Variants in SPAG6 observed in about 807,000 individuals in gnomAD.
SPAG6 encodes the protein sperm associated antigen 6, also known as sperm-associated antigen 6.
SPAG6 carries 49 observed loss-of-function variants against 58.5 expected under a neutral mutation model. The ratio of observed to expected loss-of-function variants is 0.84; its 90% CI spans 0.67 to 1.06. SPAG6 has a LOEUF of 1.06. SPAG6 is among the 50% of genes least tolerant of loss of function. SPAG6 has a pLI of 0.00. For missense variants in SPAG6, 560 were observed against 611.3 expected (o/e 0.92, Z 0.89); for synonymous variants, 233 against 225.6 (o/e 1.03, Z -0.29).
intron 7 of SPAG6, among the ~76,000 whole-genome samples, 154 bp downstream of exon 7, chr10:22,389,466 T>C (rs565750817): frequency 1.1e-3 from 171 of 152,346 alleles, no homozygotes; most frequent in African/African-American, 3.6e-3. Flanking sequence ...ATTAGCAAGT[T>C]TTATTAGCAA....
At chr10:22,351,983 A>T (rs1588632489) in intron 2 of SPAG6, among the ~76,000 whole-genome samples, 1 of 151,824 alleles carries the variant, frequency 6.6e-6, no homozygotes, top group Non-Finnish European at 1.5e-5. Context: ...CCACGGTGAA[A>T]CCCCGTCTCT....
intron 8 of SPAG6, among the ~76,000 whole-genome samples, chr10:22,397,720 C>G (rs1410058202): frequency 1.3e-5 from 2 of 152,002 alleles, no homozygotes; most frequent in African/African-American, 4.8e-5. Flanking sequence ...TATAAATTAA[C>G]AAAAGTTTAA....
intron 8 of SPAG6, 77 bp downstream of exon 8, chr10:22,391,997 C>A: frequency 1.1e-6 from 1 of 945,368 alleles, no homozygotes; most frequent in Non-Finnish European, 1.6e-6. Context: ...TTGTTTTCAT[C>A]ATGGACAATA....
intron 2 of SPAG6, among the ~76,000 whole-genome samples, chr10:22,346,499 T>C (rs868810466): frequency 5.9e-4 from 74 of 126,254 alleles, no homozygotes; most frequent in African/African-American, 1.5e-3. Context: ...TCTTCTTCTT[T>C]CTTCTTCTTC....
At chr10:22,348,324 T>TTTAAAATTGTAAAA (rs1836624164) in intron 2 of SPAG6, among the ~76,000 whole-genome samples, 2 of 152,360 alleles carry the variant, frequency 1.3e-5, no homozygotes, top group South Asian at 4.1e-4. Context: ...GATTTGTTCT[T>TTTAAAATTGTAAAA]TTAAAAAATT....
intron 4 of SPAG6, among the ~76,000 whole-genome samples, chr10:22,386,490 A>G (rs1036498082): frequency 2.6e-5 from 4 of 152,122 alleles, no homozygotes; most frequent in African/African-American, 9.7e-5. Context: ...CTTAAAAAAA[A>G]AAAAAAGAAT....
chr10:22,356,187 C>G (rs1358444533), intron 2 of SPAG6, among the ~76,000 whole-genome samples: 1 of 152,220 alleles, frequency 6.6e-6, no homozygotes, highest in Non-Finnish European at 1.5e-5. Flanking sequence ...AAAACAAGCT[C>G]TGGCCTAGAG....
chr10:22,412,388 A>G, intron 10 of SPAG6: 3 of 916,156 alleles, frequency 3.3e-6, no homozygotes, highest in Non-Finnish European at 5.0e-6. Flanking sequence ...TAATTTTAAA[A>G]GCACAAAAGC....
chr10:22,391,413 C>A (rs1008297935), intron 7 of SPAG6, among the ~76,000 whole-genome samples: 2 of 152,126 alleles, frequency 1.3e-5, no homozygotes, highest in African/African-American at 2.4e-5. Flanking sequence ...TTTATTTAGT[C>A]ACAGTAAAAT....
At chr10:22,365,713 T>C (rs897896438) in intron 3 of SPAG6, among the ~76,000 whole-genome samples, 5 of 152,152 alleles carry the variant, frequency 3.3e-5, no homozygotes, top group Non-Finnish European at 7.4e-5. Context: ...AAATTCCTAT[T>C]TGTGTAACAA....
intron 10 of SPAG6, among the ~76,000 whole-genome samples, chr10:22,413,934 A>T (rs1340568258): frequency 6.6e-6 from 1 of 152,200 alleles, no homozygotes; most frequent in African/African-American, 2.4e-5. Context: ...CAACTGATAC[A>T]TTCATCTGTT....
Position 22,365,023 on chromosome 10 carries a change from AG to A in SPAG6, c.288+5del. The A allele has an allele frequency of 6.4e-7, 1 of 1,570,972 alleles. No homozygotes were observed. The highest frequency in any genetic ancestry group is 8.6e-7 in the Non-Finnish European group (1 of 1,161,656). On this transcript the variant is annotated splice_donor_5th_base_variant and intron_variant, in intron 3 of 10. Coordinates refer to ENST00000376624, the MANE Select transcript of SPAG6 (RefSeq NM_012443.4). ...TTATTCATTGGCAGAACAGAATGTA[AG>A]AATTAAAAAAAACTAGTTATATGTT... is the stretch of plus-strand genomic sequence containing the variant.
At chr10:22,394,438 C>T (rs554857012) in intron 8 of SPAG6, among the ~76,000 whole-genome samples, 19 of 152,072 alleles carry the variant, frequency 1.2e-4, no homozygotes, top group African/African-American at 4.6e-4. Context: ...AGTTGTTCCC[C>T]CTTCATTTTT....
intron 2 of SPAG6, among the ~76,000 whole-genome samples, chr10:22,346,490 C>CTTCTTCTTCTTCTTCTTCT (rs1554776496): frequency 5.9e-5 from 8 of 135,534 alleles, no homozygotes; most frequent in African/African-American, 2.1e-4. Flanking sequence ...TCTTCTTCTT[C>CTTCTTCTTCTTCTTCTTCT]TTCTTCTTTC....
chr10:22,389,378 G>A, intron 7 of SPAG6, 66 bp downstream of exon 7: 9 of 1,508,902 alleles, frequency 6.0e-6, no homozygotes, highest in East Asian at 4.6e-5. Flanking sequence ...ACAGATTAAT[G>A]TTCTCCAACA....
At chr10:22,392,286 A>G (rs139963467) in intron 8 of SPAG6, among the ~76,000 whole-genome samples, 5 of 152,294 alleles carry the variant, frequency 3.3e-5, no homozygotes, top group African/African-American at 1.2e-4. Context: ...AATTTAAGGT[A>G]CCTTTCAAAT....
chr10:22,386,893 A>C lies in SPAG6; in HGVS notation c.612A>C (p.Thr204=). Residue 204 remains threonine (T), a synonymous_variant, in exon 5 of 11, where the codon ACA becomes ACC. Coordinates refer to ENST00000376624, the MANE Select transcript of SPAG6 (RefSeq NM_012443.4). The part of the protein sequence containing the change: ...IAKHSPELAQ[T]VVDAGAVAHL... ...AGCATTCTCCAGAGTTAGCACAGAC[A>C]GTAGTGGATGCAGGAGCTGTTGCTC... is the stretch of plus-strand genomic sequence containing the variant. 6.2e-7 allele frequency: 1 copy of C among 1,613,822 alleles called. No homozygotes were observed. Among genetic ancestry groups the C allele is most frequent in the African/African-American group, 1.3e-5 (1 of 75,014 alleles).
chr10:22,396,022 C>A (rs544080398), intron 8 of SPAG6, among the ~76,000 whole-genome samples: 2 of 152,264 alleles, frequency 1.3e-5, no homozygotes, highest in Non-Finnish European at 2.9e-5. Flanking sequence ...GTACAGGAAG[C>A]ATGGCTGGGA....
At chr10:22,409,898 C>T (rs569222810) in intron 9 of SPAG6, among the ~76,000 whole-genome samples, 10 of 152,230 alleles carry the variant, frequency 6.6e-5, no homozygotes, top group African/African-American at 2.4e-4. Context: ...ACATCTTTAG[C>T]CTTTAGTTCT....
Sources: gnomAD v4.1 joint callset for allele counts (sites outside exome capture counted in the v4.1 genomes callset) on GRCh38, gnomAD v4.1.1 for gene constraint, MANE v1.5 for transcripts, NCBI Gene and HGNC (gene_info 2026-07-23, HGNC 2026-07-21) for gene names.